The following FRMD4A variants were observed in gnomAD, a reference collection of about 807,000 sequenced individuals.
The protein encoded by FRMD4A is FERM domain containing 4A.
In FRMD4A, 29 loss-of-function variants were observed where a neutral mutation model predicts 129.1. The ratio of observed to expected loss-of-function variants is 0.22; its 90% confidence interval spans 0.17 to 0.31. The LOEUF is 0.31. Ranked by LOEUF, FRMD4A falls within the 10% of genes least tolerant of loss-of-function variation. FRMD4A has a pLI of 1.00. For missense variants in FRMD4A, 1,272 were observed against 1,375.8 expected (o/e 0.92, Z 1.19); for synonymous variants, 634 against 571.6 (o/e 1.11, Z -1.56).
chr10:13,805,834 G>C (rs1176260987), intron 4 of FRMD4A, among the ~76,000 whole-genome samples: 1 of 150,150 alleles, frequency 6.7e-6, no homozygotes, highest in Admixed American at 6.7e-5. Context: ...GACTACAACT[G>C]TGCACCACCA....
intron 2 of FRMD4A, among the ~76,000 whole-genome samples, chr10:14,099,701 A>T (rs954702545): frequency 2.0e-5 from 3 of 152,226 alleles, no homozygotes; most frequent in Non-Finnish European, 4.4e-5. Flanking sequence ...TAAATTTTCA[A>T]AAGAGTGGTG....
At chr10:13,972,059 TG>T in intron 2 of FRMD4A, 1 of 1,149,514 alleles carries the variant, frequency 8.7e-7, no homozygotes, top group Non-Finnish European at 1.1e-6. Flanking sequence ...TCCTTGTCTC[TG>T]GGGACTCACC....
chr10:14,327,649 G>A (rs904626855), intron 2 of FRMD4A, among the ~76,000 whole-genome samples: 1 of 152,106 alleles, frequency 6.6e-6, no homozygotes, highest in Non-Finnish European at 1.5e-5. Flanking sequence ...GTAACCTCTG[G>A]GTGTCTCCTT....
chr10:14,142,066 T>C (rs1352950967), intron 2 of FRMD4A, among the ~76,000 whole-genome samples: 1 of 151,992 alleles, frequency 6.6e-6, no homozygotes, highest in Non-Finnish European at 1.5e-5. Context: ...CAATAATATA[T>C]GACAAAACTC....
chr10:13,849,820 G>A (rs2094116148), intron 3 of FRMD4A, among the ~76,000 whole-genome samples: 1 of 151,626 alleles, frequency 6.6e-6, no homozygotes, highest in Non-Finnish European at 1.5e-5. Context: ...CACAGAAGTT[G>A]CTAAGGCTGG....
intron 2 of FRMD4A, among the ~76,000 whole-genome samples, chr10:14,289,807 T>A (rs755179633): frequency 1.3e-5 from 2 of 152,030 alleles, no homozygotes; most frequent in Non-Finnish European, 2.9e-5. Flanking sequence ...AGAGAGGAAG[T>A]AGTTAAATTA....
At chr10:13,754,016 T>G (rs2091749395) in intron 8 of FRMD4A, among the ~76,000 whole-genome samples, 1 of 152,204 alleles carries the variant, frequency 6.6e-6, no homozygotes, top group Admixed American at 6.5e-5. Context: ...AGTCTACAAT[T>G]TCAGGCAAAT....
intron 2 of FRMD4A, among the ~76,000 whole-genome samples, chr10:13,982,156 C>A (rs2095563988): frequency 6.6e-6 from 1 of 152,026 alleles, no homozygotes; most frequent in Non-Finnish European, 1.5e-5. Context: ...TTGAAATTTC[C>A]CCTTTTACAT....
At chr10:13,654,068 T>G (rs2081922219) in intron 23 of FRMD4A, 3 of 452,414 alleles carry the variant, frequency 6.6e-6, no homozygotes, top group Non-Finnish European at 1.2e-5. Context: ...CCTGACATTC[T>G]TGCCTGGCAT....
chr10:14,219,503 G>A (rs1019200674), intron 2 of FRMD4A, among the ~76,000 whole-genome samples: 1 of 152,194 alleles, frequency 6.6e-6, no homozygotes, highest in African/African-American at 2.4e-5. Flanking sequence ...ACCCGTGCTT[G>A]GAGATGGTCA....
At chr10:13,781,990 C>T (rs1004431517) in intron 6 of FRMD4A, among the ~76,000 whole-genome samples, 4 of 152,152 alleles carry the variant, frequency 2.6e-5, no homozygotes, top group African/African-American at 9.7e-5. Context: ...TCCGTGTATG[C>T]TGCTCGAGTG....
intron 2 of FRMD4A, among the ~76,000 whole-genome samples, chr10:14,086,845 C>T (rs1588945153): frequency 6.6e-6 from 1 of 152,322 alleles, no homozygotes; most frequent in South Asian, 2.1e-4. Flanking sequence ...GGCTCTGCCA[C>T]TAACAGCAGG....
intron 3 of FRMD4A, among the ~76,000 whole-genome samples, chr10:13,848,645 C>T (rs982880128): frequency 2.9e-5 from 3 of 104,188 alleles, no homozygotes; most frequent in African/African-American, 3.3e-5. Context: ...TGTGTAAACG[C>T]GGCAGGGGGT....
In FRMD4A at chr10:14,147,887, C is replaced by T. The variant is rs201342594; in HGVS notation, c.45+182171G>A. On this transcript the variant is annotated intron_variant, in intron 2 of 24. Coordinates refer to ENST00000357447, the MANE Select transcript of FRMD4A (RefSeq NM_018027.5). ...TGCCTAGATTCAAATCACAGATCTT[C>T]CACTTACTATGTGATCTTGGGACAG... is the stretch of plus-strand genomic sequence containing the variant. 3.9e-5 allele frequency among the ~76,000 whole-genome samples: 6 copies of T among 152,274 alleles called. No homozygotes were observed. The East Asian group carries it at 1.2e-3, about 29-fold the overall frequency.
chr10:14,008,104 G>A (rs1361230820), intron 2 of FRMD4A: 25 of 1,302,672 alleles, frequency 1.9e-5, no homozygotes, highest in Non-Finnish European at 2.4e-5. Context: ...GGAATTTTCA[G>A]TAAAAGTCTT....
intron 2 of FRMD4A, among the ~76,000 whole-genome samples, chr10:14,013,769 C>T (rs889485134): frequency 6.6e-6 from 1 of 151,930 alleles, no homozygotes; most frequent in African/African-American, 2.4e-5. Context: ...CCGTCTCTAC[C>T]AAAAATACAA....
chr10:13,651,864 G>C, intron 24 of FRMD4A, 39 bp downstream of exon 24: 1 of 973,270 alleles, frequency 1.0e-6, no homozygotes, highest in Non-Finnish European at 1.7e-6. Context: ...TGGGACCACA[G>C]ACTCATGGGC....
chr10:14,127,902 T>TTTGCTTGC (rs1400451536), intron 2 of FRMD4A, among the ~76,000 whole-genome samples: 1 of 147,880 alleles, frequency 6.8e-6, no homozygotes, highest in East Asian at 2.0e-4. Context: ...ATATTTATAT[T>TTTGCTTGC]TTGCTTTCTT....
At chr10:13,914,161 C>G (rs969552206) in intron 2 of FRMD4A, among the ~76,000 whole-genome samples, 9 of 152,238 alleles carry the variant, frequency 5.9e-5, no homozygotes, top group Non-Finnish European at 1.0e-4. Context: ...GCCTAATTTC[C>G]TCTTTGGGAG....
Sources: allele counts gnomAD v4.1 joint callset (sites outside exome capture counted in the v4.1 genomes callset), GRCh38; gene constraint gnomAD v4.1.1; transcripts MANE v1.5; gene names NCBI Gene and HGNC (gene_info 2026-07-23, HGNC 2026-07-21).